The following SUPT3H variants were observed in gnomAD, a reference collection of about 807,000 sequenced individuals.
SUPT3H encodes transcription initiation protein SPT3 homolog.
A neutral mutation model predicts 44.3 loss-of-function variants in SUPT3H; 44 were observed. The ratio of observed to expected loss-of-function variants is 0.99; its 90% CI spans 0.78 to 1.28. The LOEUF (loss-of-function observed/expected upper bound fraction) is 1.28, where lower values mean the gene tolerates loss of function less well. Ranked by LOEUF, SUPT3H falls within the 50% of genes most tolerant of loss-of-function variation. The probability of loss-of-function intolerance (pLI) is 0.00; values close to 1 mark genes in which losing one functional copy is unlikely to be tolerated. For missense variants in SUPT3H, 380 were observed against 387.1 expected, an observed-to-expected ratio of 0.98 and a Z score of 0.15; for synonymous variants, 124 against 125.6, an observed-to-expected ratio of 0.99 and a Z score of 0.09.
intron 10 of SUPT3H, among the ~76,000 whole-genome samples, chr6:44,905,991 C>G (rs1462363011): frequency 6.6e-6 from 1 of 151,858 alleles, no homozygotes; most frequent in East Asian, 1.9e-4. Flanking sequence ...CACATAGACA[C>G]AGGAAGGGGA....
intron 10 of SUPT3H, among the ~76,000 whole-genome samples, chr6:44,843,018 T>G (rs1771254584): frequency 6.6e-6 from 1 of 152,026 alleles, no homozygotes; most frequent in African/African-American, 2.4e-5. Flanking sequence ...GAAGGGAGAC[T>G]GGATAAAAAA....
chr6:45,191,552 C>T (rs6919998), intron 2 of SUPT3H, among the ~76,000 whole-genome samples: 34,506 of 151,956 alleles, frequency 0.23, 4,595 homozygotes, highest in Non-Finnish European at 0.31. Flanking sequence ...GAATCCTAAA[C>T]TATGAACTTT....
intron 4 of SUPT3H, 98 bp from the exon 5 acceptor site, chr6:45,014,989 C>T (rs1784035356): frequency 1.6e-6 from 1 of 608,390 alleles, no homozygotes. Flanking sequence ...ACTTGTACCC[C>T]ATGATATCAG....
chr6:45,235,257 A>G (rs910768950), intron 2 of SUPT3H, among the ~76,000 whole-genome samples: 4 of 152,178 alleles, frequency 2.6e-5, no homozygotes, highest in African/African-American at 9.6e-5. Context: ...CCCACCTTAT[A>G]AACACTTATG....
At chr6:45,219,265 A>T (rs1418091915) in intron 2 of SUPT3H, among the ~76,000 whole-genome samples, 2 of 152,136 alleles carry the variant, frequency 1.3e-5, no homozygotes, top group African/African-American at 4.8e-5. Flanking sequence ...AATTTAAAGT[A>T]GGAAAATAGT....
chr6:45,078,700 G>GT (rs919529932), intron 3 of SUPT3H, among the ~76,000 whole-genome samples: 13 of 151,944 alleles, frequency 8.6e-5, no homozygotes, highest in Admixed American at 1.3e-4. Context: ...TGGCTGACAG[G>GT]TTTTTTTATT....
intron 2 of SUPT3H, among the ~76,000 whole-genome samples, chr6:45,325,139 C>A (rs917409550): frequency 6.6e-6 from 1 of 151,760 alleles, no homozygotes; most frequent in Non-Finnish European, 1.5e-5. Context: ...ATAATCAGAA[C>A]ATTTTAAGCC....
rs1797625164 is a variant in SUPT3H at position 45,095,094 on chromosome 6, AG to A, written c.186+10827del. On this transcript the variant is annotated intron_variant, in intron 3 of 10. Transcript: ENST00000371459. This position sits in a 1 kb window ranked among gnomAD's most constrained non-coding sequence, Gnocchi z 4.1. Reference sequence around the variant, plus strand: ...TCATATTCCATTCATGTAAACACAGAGTGTGTTCTGGTTTGCTGAACTACAT... The same window carrying A: ...TCATATTCCATTCATGTAAACACAGATGTGTTCTGGTTTGCTGAACTACAT... Among the ~76,000 whole-genome samples, 1 of 152,106 alleles carries A rather than the reference AG, an allele frequency of 6.6e-6. No individual in the cohort carries two copies. Among genetic ancestry groups the A allele is most frequent in the South Asian group, 2.1e-4 (1 of 4,828 alleles).
At chr6:44,867,431 A>C (rs1393878050) in intron 10 of SUPT3H, among the ~76,000 whole-genome samples, 1 of 152,182 alleles carries the variant, frequency 6.6e-6, no homozygotes, top group African/African-American at 2.4e-5. Flanking sequence ...TGTCACAATA[A>C]AGGGCTACCA....
intron 10 of SUPT3H, among the ~76,000 whole-genome samples, chr6:44,918,977 A>C (rs1253895020): frequency 6.6e-6 from 1 of 152,210 alleles, no homozygotes; most frequent in Non-Finnish European, 1.5e-5. Context: ...GGAAGTGCTT[A>C]TTGAGGTGGA....
intron 2 of SUPT3H, among the ~76,000 whole-genome samples, chr6:45,361,197 A>C (rs1794194141): frequency 6.6e-6 from 1 of 152,154 alleles, no homozygotes; most frequent in African/African-American, 2.4e-5. Context: ...TTCTGATTAA[A>C]ATTTTTTTAA....
chr6:44,905,383 A>G (rs1019809614), intron 10 of SUPT3H, among the ~76,000 whole-genome samples: 3 of 151,414 alleles, frequency 2.0e-5, no homozygotes, highest in Non-Finnish European at 4.4e-5. Flanking sequence ...ACTTCTCAAA[A>G]GAAGACATTT....
intron 2 of SUPT3H, among the ~76,000 whole-genome samples, chr6:45,173,640 A>C (rs536477161): frequency 4.6e-4 from 70 of 152,312 alleles, no homozygotes; most frequent in African/African-American, 1.6e-3. Context: ...ATGGTTCTAA[A>C]CCAATAACTG....
chr6:45,095,460 AT>A lies in SUPT3H; in HGVS notation c.186+10461del, dbSNP rs1436364433. On this transcript the variant is annotated intron_variant, in intron 3 of 10. Coordinates refer to ENST00000371459, the MANE Select transcript of SUPT3H (RefSeq NM_003599.4). This position sits in a 1 kb window ranked among gnomAD's most constrained non-coding sequence, Gnocchi z 4.1. The stretch of plus-strand genomic sequence containing the variant: ...GGAGGGGTGAATTCAGTGCATTTTA[AT>A]CCAGATCGGAGATTAAGCCATAACT... Among the ~76,000 whole-genome samples the A allele has an allele frequency of 1.8e-5, 1 of 55,310 alleles. No homozygotes were observed. The highest frequency in any genetic ancestry group is 2.3e-3 in the East Asian group (1 of 438). 36.3% of individuals were successfully genotyped at this position (55,310 alleles called of 152,430 possible). A position where few individuals can be genotyped will look rare whatever the true frequency, so the allele number is the denominator to read the frequency against.
chr6:45,218,457 C>G (rs1263985146), intron 2 of SUPT3H, among the ~76,000 whole-genome samples: 1 of 152,120 alleles, frequency 6.6e-6, no homozygotes, highest in African/African-American at 2.4e-5. Flanking sequence ...TGGCCGGGTA[C>G]GGTGGCTCAC....
At position 44,931,928 on chromosome 6, in the gene SUPT3H, T is replaced by C. The variant is rs146390439; in HGVS notation, c.912+725A>G. ...TTCATTAGCTTGTTAAAACAGAGTATCAAAAAAGTAAATTTGACTTTCCTC... is the reference window on the plus strand; with the variant it reads ...TTCATTAGCTTGTTAAAACAGAGTACCAAAAAAGTAAATTTGACTTTCCTC... On this transcript the variant is annotated intron_variant, in intron 10 of 10. Transcript: ENST00000371459. Among the ~76,000 whole-genome samples, 330 of 152,170 alleles carry C rather than the reference T, an allele frequency of 2.2e-3. 1 individual carries two copies. Among genetic ancestry groups the C allele is most frequent in the African/African-American group, 7.6e-3 (316 of 41,472 alleles).
In SUPT3H at chr6:45,331,012, T is replaced by C. The variant is rs1422087131; in HGVS notation, c.101+34189A>G. On this transcript the variant is annotated intron_variant, in intron 2 of 10. Coordinates refer to ENST00000371459, the MANE Select transcript of SUPT3H (RefSeq NM_003599.4). ...GAAATGTCTTAAGTATGTGCCCCAATTTTGTAAAATAGTTAAAAAGAAAGT... is the reference window on the plus strand; with the variant it reads ...GAAATGTCTTAAGTATGTGCCCCAACTTTGTAAAATAGTTAAAAAGAAAGT... Among the ~76,000 whole-genome samples the C allele has an allele frequency of 3.3e-5, 5 of 152,112 alleles. No homozygotes were observed. In the East Asian group the frequency reaches 9.7e-4, roughly 30 times the overall value.
At chr6:45,328,224 G>C in intron 2 of SUPT3H, 1 of 1,231,042 alleles carries the variant, frequency 8.1e-7, no homozygotes, top group Non-Finnish European at 1.1e-6. Context: ...CTTTACTTAA[G>C]AGTACTGTGA....
At chr6:45,317,604 T>C (rs1784897031) in intron 2 of SUPT3H, among the ~76,000 whole-genome samples, 3 of 152,116 alleles carry the variant, frequency 2.0e-5, no homozygotes, top group African/African-American at 7.2e-5. Context: ...GATAGTCTCT[T>C]CAATAAATGG....
Sources: gnomAD v4.1 joint callset for allele counts (sites outside exome capture counted in the v4.1 genomes callset) on GRCh38, gnomAD v4.1.1 for gene constraint, Gnocchi (gnomAD v3.1) non-coding constraint, MANE v1.5 for transcripts, NCBI Gene and HGNC (gene_info 2026-07-23, HGNC 2026-07-21) for gene names.